MIPOL1: variants seen among roughly 807,000 people sequenced by gnomAD.
MIPOL1 encodes the protein mirror-image polydactyly gene 1 protein.
A neutral mutation model predicts 60.9 loss-of-function variants in MIPOL1; 57 were observed. That is an observed-to-expected ratio of 0.94 (90% CI 0.76 to 1.17). The LOEUF (loss-of-function observed/expected upper bound fraction) is 1.17. Ranked by LOEUF, MIPOL1 falls within the 50% of genes most tolerant of loss-of-function variation. The pLI, the probability that MIPOL1 is intolerant of heterozygous loss-of-function variation, is 0.00. For missense variants in MIPOL1, 551 were observed against 511.6 expected (o/e 1.08, Z -0.74); for synonymous variants, 179 against 168.8 (o/e 1.06, Z -0.47).
intron 7 of MIPOL1, among the ~76,000 whole-genome samples, chr14:37,300,047 C>T (rs941222068): frequency 1.3e-5 from 2 of 151,842 alleles, no homozygotes; most frequent in Admixed American, 6.6e-5. Context: ...TGCCATTTTC[C>T]TTATGTCATT....
intron 11 of MIPOL1, among the ~76,000 whole-genome samples, chr14:37,424,373 A>G (rs768875558): frequency 6.6e-6 from 1 of 152,176 alleles, no homozygotes; most frequent in Non-Finnish European, 1.5e-5. Flanking sequence ...AGACATGCAC[A>G]GAGGGAAGAC....
At chr14:37,448,703 G>C (rs1316666631) in intron 11 of MIPOL1, among the ~76,000 whole-genome samples, 3 of 152,152 alleles carry the variant, frequency 2.0e-5, no homozygotes, top group Non-Finnish European at 4.4e-5. Flanking sequence ...ATGAGGTGGG[G>C]TTAAGCAAGA....
At chr14:37,215,358 T>C (rs1224291778) in intron 1 of MIPOL1, among the ~76,000 whole-genome samples, 1 of 152,090 alleles carries the variant, frequency 6.6e-6, no homozygotes, top group African/African-American at 2.4e-5. Flanking sequence ...GTCTTTTCTT[T>C]TATCTCTTTG....
intron 6 of MIPOL1, among the ~76,000 whole-genome samples, chr14:37,282,344 C>T (rs151194271): frequency 5.5e-4 from 83 of 151,848 alleles, no homozygotes; most frequent in African/African-American, 1.8e-3. Context: ...TTGGTTCAAG[C>T]GATCTCCTGC....
At chr14:37,450,554 T>C (rs1199741683) in intron 11 of MIPOL1, among the ~76,000 whole-genome samples, 3 of 152,100 alleles carry the variant, frequency 2.0e-5, no homozygotes. Flanking sequence ...TATTCTGAAA[T>C]CTCATAAGGA....
At chr14:37,357,502 G>T (rs1043631063) in intron 9 of MIPOL1, among the ~76,000 whole-genome samples, 2 of 152,152 alleles carry the variant, frequency 1.3e-5, no homozygotes, top group African/African-American at 4.8e-5. Flanking sequence ...TTTCGTTGAT[G>T]ATCAGTGATA....
At position 37,548,999 on chromosome 14, in the gene MIPOL1, A is replaced by G. The variant is rs1480540866; in HGVS notation, c.*2028A>G. 1 of 152,028 alleles carries G rather than the reference A, an allele frequency of 6.6e-6. No homozygotes were observed. Among genetic ancestry groups the G allele is most frequent in the Non-Finnish European group, 1.5e-5 (1 of 67,866 alleles). 9.4% of individuals were successfully genotyped at this position (152,028 alleles called of 1,614,324 possible). A position where few individuals can be genotyped will look rare whatever the true frequency, so the allele number is the denominator to read the frequency against. ...ACATCCTCTTGAAAATGAATTGTCT[A>G]CAAAATTTCAAATGCAAAGTATTAC... On this transcript the variant is annotated 3_prime_UTR_variant, in exon 13 of 13. Coordinates refer to ENST00000684589, the MANE Select transcript of MIPOL1 (RefSeq NM_001388067.1).
chr14:37,325,825 G>A (rs1360379716), intron 9 of MIPOL1, among the ~76,000 whole-genome samples: 2 of 152,120 alleles, frequency 1.3e-5, no homozygotes, highest in African/African-American at 4.8e-5. Flanking sequence ...TTGGTAGTGA[G>A]GATCTGTGAT....
rs1964605797 is a variant in MIPOL1 at position 37,197,981 on chromosome 14, T to G, written c.-322T>G. Reference sequence around the variant, plus strand: ...GCTCCTCCGCCGGATCGTCTGTGGGTGAGTCTCGAGCCAGGAGGCTCTGAG... The same window carrying G: ...GCTCCTCCGCCGGATCGTCTGTGGGGGAGTCTCGAGCCAGGAGGCTCTGAG... On this transcript the variant is annotated 5_prime_UTR_variant, in exon 1 of 13. Coordinates refer to ENST00000684589, the MANE Select transcript of MIPOL1 (RefSeq NM_001388067.1). 1 of 151,952 alleles carries G rather than the reference T, an allele frequency of 6.6e-6. No individual in the cohort carries two copies. The highest frequency in any genetic ancestry group is 1.5e-5 in the Non-Finnish European group (1 of 68,054). The allele number at this position is 151,952 out of a possible 1,614,324, so 9.4% of individuals were successfully genotyped here. A position where few individuals can be genotyped will look rare whatever the true frequency, so the allele number is the denominator to read the frequency against.
At chr14:37,303,693 C>A (rs1038864194) in intron 7 of MIPOL1, among the ~76,000 whole-genome samples, 4 of 151,758 alleles carry the variant, frequency 2.6e-5, no homozygotes, top group Non-Finnish European at 4.4e-5. Context: ...TCAGGCTTTT[C>A]TTTTTAATTC....
intron 12 of MIPOL1, among the ~76,000 whole-genome samples, chr14:37,531,683 C>G (rs986078625): frequency 1.3e-5 from 2 of 152,166 alleles, no homozygotes; most frequent in African/African-American, 4.8e-5. Flanking sequence ...TTTCACATGT[C>G]ATGTTTTGTA....
intron 9 of MIPOL1, among the ~76,000 whole-genome samples, chr14:37,343,544 C>T (rs1382372147): frequency 1.3e-5 from 2 of 152,042 alleles, no homozygotes; most frequent in Non-Finnish European, 2.9e-5. Context: ...GTATCACATC[C>T]AAGTGGGAAG....
chr14:37,363,677 G>C (rs1348645618), intron 9 of MIPOL1, among the ~76,000 whole-genome samples: 2 of 152,200 alleles, frequency 1.3e-5, no homozygotes, highest in Non-Finnish European at 2.9e-5. Context: ...CTATCAGACA[G>C]GGACATTTAA....
At chr14:37,308,543 A>G (rs1228238537) in intron 9 of MIPOL1, 24 bp downstream of exon 9, 3 of 1,442,974 alleles carry the variant, frequency 2.1e-6, no homozygotes, top group Non-Finnish European at 2.7e-6. Context: ...TATCTGTAAA[A>G]GCATATACTT....
At chr14:37,400,218 A>G (rs2093456946) in intron 10 of MIPOL1, 1 of 152,072 alleles carries the variant, frequency 6.6e-6, no homozygotes, top group Non-Finnish European at 1.5e-5. Flanking sequence ...GGGGCCCCTT[A>G]AATAACAGCA....
At chr14:37,239,828 A>G (rs892375546) in intron 1 of MIPOL1, among the ~76,000 whole-genome samples, 1 of 152,216 alleles carries the variant, frequency 6.6e-6, no homozygotes, top group Non-Finnish European at 1.5e-5. Context: ...GATAATGAAC[A>G]AGAAATTGGA....
chr14:37,455,343 A>G (rs1305018329), intron 11 of MIPOL1, among the ~76,000 whole-genome samples: 6 of 152,224 alleles, frequency 3.9e-5, no homozygotes. Context: ...ATTTCTCTAC[A>G]CCTGATTTTG....
intron 10 of MIPOL1, among the ~76,000 whole-genome samples, chr14:37,386,936 T>C (rs2093086012): frequency 6.6e-6 from 1 of 151,988 alleles, no homozygotes; most frequent in East Asian, 1.9e-4. Flanking sequence ...ATTATAGTTA[T>C]CTCATTTTTC....
At chr14:37,211,075 T>C (rs1187515809) in intron 1 of MIPOL1, among the ~76,000 whole-genome samples, 1 of 152,196 alleles carries the variant, frequency 6.6e-6, no homozygotes, top group Non-Finnish European at 1.5e-5. Context: ...TTTCCTTCAC[T>C]GTCATAATCT....
Sources: allele counts gnomAD v4.1 joint callset (sites outside exome capture counted in the v4.1 genomes callset), GRCh38; gene constraint gnomAD v4.1.1; transcripts MANE v1.5; gene names NCBI Gene and HGNC (gene_info 2026-07-23, HGNC 2026-07-21).